The following PLCE1 variants were observed in gnomAD, a reference collection of about 807,000 sequenced individuals.
The protein encoded by PLCE1 is phospholipase C epsilon 1.
Under a neutral mutation model 242.8 loss-of-function variants are expected in PLCE1, and 119 were observed. The ratio of observed to expected loss-of-function variants is 0.49; its 90% CI spans 0.42 to 0.57. The LOEUF (loss-of-function observed/expected upper bound fraction) is 0.57, where lower values mean the gene tolerates loss of function less well. Ranked by LOEUF, PLCE1 falls within the 20% of genes least tolerant of loss-of-function variation. The pLI is 0.00. For synonymous variants in PLCE1, 945 were observed against 1,017.4 expected, an observed-to-expected ratio of 0.93 and a Z score of 1.35; for missense variants, 2,441 against 2,788.8, an observed-to-expected ratio of 0.88 and a Z score of 2.81.
At chr10:94,000,957 C>G (rs889292614) in intron 1 of PLCE1, among the ~76,000 whole-genome samples, 1 of 152,210 alleles carries the variant, frequency 6.6e-6, no homozygotes, top group Non-Finnish European at 1.5e-5. Context: ...AAGCTCCAGT[C>G]TCCTCCCTGC....
chr10:94,307,779 C>A (rs1564882577), intron 26 of PLCE1, among the ~76,000 whole-genome samples: 1 of 152,188 alleles, frequency 6.6e-6, no homozygotes, highest in South Asian at 2.1e-4. Flanking sequence ...TAAAGACCCT[C>A]TCTTCAAATA....
chr10:94,327,077 G>A (rs541397248), intron 32 of PLCE1, among the ~76,000 whole-genome samples: 11 of 152,146 alleles, frequency 7.2e-5, no homozygotes, highest in Non-Finnish European at 1.5e-4. Flanking sequence ...CAGGAGAATC[G>A]CTTGAACCCG....
chr10:94,190,617 A>G (rs1472611826), intron 4 of PLCE1, among the ~76,000 whole-genome samples: 1 of 152,200 alleles, frequency 6.6e-6, no homozygotes, highest in African/African-American at 2.4e-5. Flanking sequence ...AAAAACAACA[A>G]CAACAACGAA....
At chr10:94,052,840 G>A (rs746153517) in intron 2 of PLCE1, among the ~76,000 whole-genome samples, 1 of 152,050 alleles carries the variant, frequency 6.6e-6, no homozygotes, top group Non-Finnish European at 1.5e-5. Context: ...TAGTCTTAAG[G>A]TGTGCTTCAT....
chr10:94,210,824 T>C (rs2049308315), intron 4 of PLCE1, among the ~76,000 whole-genome samples: 1 of 152,242 alleles, frequency 6.6e-6, no homozygotes, highest in Non-Finnish European at 1.5e-5. Context: ...TGGCCATTCC[T>C]AATGAAGACA....
Position 94,273,628 on chromosome 10 carries a change from C to A in PLCE1, c.4573C>A (p.Leu1525Ile). The A allele has an allele frequency of 6.2e-7, 1 of 1,613,190 alleles. No individual in the cohort carries two copies. Among genetic ancestry groups the A allele is most frequent in the Non-Finnish European group, 8.5e-7 (1 of 1,179,200 alleles). The change falls in exon 19 of 33, where the codon CTT becomes ATT. Residue 1525 changes from leucine (L) to isoleucine (I), a missense_variant. Transcript: ENST00000371380. ...FETDFSDDPMLPSPDQLRKKV... is the reference protein window; with the variant it reads ...FETDFSDDPMIPSPDQLRKKV... ...GACTGATTTCTCAGATGATCCAATG[C>A]TTCCTTCACCTGACCAACTCAGAAA...
intron 16 of PLCE1, among the ~76,000 whole-genome samples, chr10:94,267,115 A>G (rs2051548602): frequency 1.3e-5 from 2 of 152,230 alleles, no homozygotes. Flanking sequence ...ATGAAATTAA[A>G]TATACATATA....
At chr10:94,287,942 C>A (rs2133381231) in intron 22 of PLCE1, among the ~76,000 whole-genome samples, 1 of 152,004 alleles carries the variant, frequency 6.6e-6, no homozygotes, top group African/African-American at 2.4e-5. Context: ...GGACGGGGTC[C>A]TTGGAAAGTA....
rs190221259 is a variant in PLCE1 at position 94,330,798 on chromosome 10, A to G, written c.*2855A>G. The G allele has an allele frequency of 6.6e-6, 1 of 152,348 alleles. No homozygotes were observed. Among genetic ancestry groups the G allele is most frequent in the African/African-American group, 2.4e-5 (1 of 41,580 alleles). The allele number at this position is 152,348 out of a possible 1,614,324, so 9.4% of individuals were successfully genotyped here. On this transcript the variant is annotated 3_prime_UTR_variant, in exon 33 of 33. Transcript: ENST00000371380. ...TTAAGTTTTATTTAAAGCTTTCTGA[A>G]TTAAACAGCTATATTATGCCAAGTG...
intron 4 of PLCE1, among the ~76,000 whole-genome samples, chr10:94,204,030 T>A (rs1012142084): frequency 1.3e-5 from 2 of 152,218 alleles, no homozygotes; most frequent in Non-Finnish European, 2.9e-5. Context: ...GGACTCTTTG[T>A]TAACACATTT....
chr10:94,171,772 A>T (rs1207957981), intron 4 of PLCE1, among the ~76,000 whole-genome samples: 1 of 151,988 alleles, frequency 6.6e-6, no homozygotes, highest in Non-Finnish European at 1.5e-5. Context: ...GGCACCCAGA[A>T]TGCCAATCTC....
In PLCE1 at chr10:94,166,579, G is replaced by GGTGTGTGTGTGTGTGT. The variant is rs56088035; in HGVS notation, c.1493-4582_1493-4567dup. ...CATTCTCTACCCAGAAGAGAAAAAA[G>GGTGTGTGTGTGTGTGT]GTGTGTGTGTGTGTGTGTGTGTGTG... On this transcript the variant is annotated intron_variant, in intron 3 of 32. Transcript: ENST00000371380. 6.1e-3 allele frequency among the ~76,000 whole-genome samples: 893 copies of GGTGTGTGTGTGTGTGT among 145,952 alleles called. 7 individuals carry two copies. Among genetic ancestry groups the GGTGTGTGTGTGTGTGT allele is most frequent in the African/African-American group, 0.02 (775 of 39,108 alleles).
chr10:94,035,668 G>C (rs1564638436), intron 2 of PLCE1, among the ~76,000 whole-genome samples: 1 of 152,082 alleles, frequency 6.6e-6, no homozygotes, highest in East Asian at 1.9e-4. Context: ...TTTCTAAAGG[G>C]GGGGCCCTTT....
chr10:94,001,758 AT>A (rs1207732865), intron 1 of PLCE1, among the ~76,000 whole-genome samples: 1 of 152,202 alleles, frequency 6.6e-6, no homozygotes, highest in Non-Finnish European at 1.5e-5. Flanking sequence ...ACAAACTCAG[AT>A]TTCATTGATT....
In PLCE1 at chr10:94,061,864, G is replaced by A. The variant is rs567388435; in HGVS notation, c.1206+29612G>A. Among the ~76,000 whole-genome samples, 15 of 152,208 alleles carry A rather than the reference G, an allele frequency of 9.9e-5. No homozygotes were observed. In the South Asian group the frequency reaches 2.5e-3, roughly 25 times the overall value. On this transcript the variant is annotated intron_variant, in intron 2 of 32. Coordinates refer to ENST00000371380, the MANE Select transcript of PLCE1 (RefSeq NM_016341.4). ...ATGCCTCTTATAACACCATTTGGAGGGACAGCTCATGGGAGGAGTCAGCAA... is the reference window on the plus strand; with the variant it reads ...ATGCCTCTTATAACACCATTTGGAGAGACAGCTCATGGGAGGAGTCAGCAA...
chr10:94,110,313 CG>C (rs1322115893), intron 2 of PLCE1, among the ~76,000 whole-genome samples: 1 of 152,016 alleles, frequency 6.6e-6, no homozygotes, highest in African/African-American at 2.4e-5. Context: ...CCGCCTGCCT[CG>C]GCCTCCCAAA....
At chr10:94,318,875 C>CCAT (rs1467759984) in intron 29 of PLCE1, among the ~76,000 whole-genome samples, 1 of 152,294 alleles carries the variant, frequency 6.6e-6, no homozygotes, top group Admixed American at 6.5e-5. Flanking sequence ...TGGCAAAACT[C>CCAT]CATCTCTACT....
chr10:94,296,140 A>T (rs1416808093), intron 23 of PLCE1, among the ~76,000 whole-genome samples: 1 of 152,142 alleles, frequency 6.6e-6, no homozygotes, highest in African/African-American at 2.4e-5. Flanking sequence ...AGGCAGGTGG[A>T]TCACAAGGTC....
At chr10:94,323,003 C>T (rs978999136) in intron 30 of PLCE1, among the ~76,000 whole-genome samples, 1 of 152,156 alleles carries the variant, frequency 6.6e-6, no homozygotes, top group African/African-American at 2.4e-5. Context: ...AATATTAATT[C>T]ATTCCTTCAA....
Sources: allele counts gnomAD v4.1 joint callset (sites outside exome capture counted in the v4.1 genomes callset), GRCh38; gene constraint gnomAD v4.1.1; transcripts MANE v1.5; gene names NCBI Gene and HGNC (gene_info 2026-07-23, HGNC 2026-07-21).